The following TAMM41 variants were observed in gnomAD, a reference collection of about 807,000 sequenced individuals.
TAMM41 encodes the protein phosphatidate cytidylyltransferase, mitochondrial.
In TAMM41, 36 loss-of-function variants were observed where a neutral mutation model predicts 44.1. The ratio of observed to expected loss-of-function variants is 0.82; its 90% CI spans 0.63 to 1.08. The LOEUF is 1.08. Among genes scored for constraint, TAMM41 ranks in the 50% least tolerant of loss-of-function variants. The pLI, the probability that TAMM41 is intolerant of heterozygous loss-of-function variation, is 0.00. For synonymous variants in TAMM41, 164 were observed against 153.1 expected, an observed-to-expected ratio of 1.07 and a Z score of -0.53; for missense variants, 417 against 404.3, an observed-to-expected ratio of 1.03 and a Z score of -0.27.
intron 7 of TAMM41, among the ~76,000 whole-genome samples, chr3:11,801,694 C>CAGTG (rs1196403476): frequency 6.6e-6 from 1 of 152,036 alleles, no homozygotes; most frequent in East Asian, 1.9e-4. Flanking sequence ...GCAGCAAAAG[C>CAGTG]AGTGCTAAGA....
chr3:11,753,220 G>A, the TAMM41 span, among the ~76,000 whole-genome samples: 4 of 151,268 alleles, frequency 2.6e-5, no homozygotes, highest in Non-Finnish European at 5.9e-5. Context: ...GAGCCCAGGA[G>A]TTCAAGACCA....
At chr3:11,745,916 C>T in the TAMM41 span, among the ~76,000 whole-genome samples, 112 of 152,232 alleles carry the variant, frequency 7.4e-4, 1 homozygote, top group East Asian at 0.019. Flanking sequence ...ACTGAAATGG[C>T]TAAAAGTAAA....
intron 7 of TAMM41, among the ~76,000 whole-genome samples, chr3:11,795,530 C>T (rs760839249): frequency 6.6e-6 from 1 of 152,202 alleles, no homozygotes; most frequent in East Asian, 1.9e-4. Context: ...TGGTCTCCCT[C>T]GCAATAGGTT....
the TAMM41 span, among the ~76,000 whole-genome samples, chr3:11,765,598 A>G: frequency 6.6e-6 from 1 of 152,182 alleles, no homozygotes; most frequent in African/African-American, 2.4e-5. Flanking sequence ...ATACAGACAT[A>G]TGAGAATTGA....
chr3:11,770,358 CCTCT>C, the TAMM41 span, among the ~76,000 whole-genome samples: 3 of 152,132 alleles, frequency 2.0e-5, no homozygotes, highest in East Asian at 1.9e-4. Flanking sequence ...TCTGGTCCAG[CCTCT>C]CTAACAACTC....
chr3:11,744,120 T>G, the TAMM41 span, among the ~76,000 whole-genome samples: 1 of 152,068 alleles, frequency 6.6e-6, no homozygotes, highest in African/African-American at 2.4e-5. Context: ...CAGGTTGGAG[T>G]GCAATGGTGT....
At position 11,842,117 on chromosome 3, in the gene TAMM41, G is replaced by A. The variant is rs543729401; in HGVS notation, c.318+1912C>T. On this transcript the variant is annotated intron_variant, in intron 2 of 7. Transcript: ENST00000455809. ...CATCACTTGGGAGCTTATAACAAAT[G>A]CAGAATTACGCCTGTAATCCTAGCA... is the stretch of plus-strand genomic sequence containing the variant. Among the ~76,000 whole-genome samples the A allele has an allele frequency of 2.0e-5, 3 of 152,248 alleles. No homozygotes were observed. The South Asian group carries it at 6.2e-4, about 32-fold the overall frequency.
intron 4 of TAMM41, among the ~76,000 whole-genome samples, chr3:11,825,141 ATG>A (rs2078692693): frequency 6.6e-6 from 1 of 152,206 alleles, no homozygotes; most frequent in African/African-American, 2.4e-5. Flanking sequence ...TTTACAAGCT[ATG>A]TGACCCAGGG....
At chr3:11,725,552 C>T in the TAMM41 span, among the ~76,000 whole-genome samples, 1 of 152,084 alleles carries the variant, frequency 6.6e-6, no homozygotes, top group Non-Finnish European at 1.5e-5. Context: ...GATTCTCCCA[C>T]CTCAGCCTCC....
chr3:11,846,134 G>A lies in TAMM41; in HGVS notation c.135+368C>T, dbSNP rs565789319. ...AACCAATTAAATCAGAATCTCCATC[G>A]GCGGAAGCCGAGCATTAGGATTTTC... On this transcript the variant is annotated intron_variant, in intron 1 of 7. Transcript: ENST00000455809. Among the ~76,000 whole-genome samples the A allele has an allele frequency of 1.0e-3, 158 of 152,342 alleles. 1 individual carries two copies. Among genetic ancestry groups the A allele is most frequent in the Admixed American group, 1.6e-3 (25 of 15,304 alleles).
At chr3:11,768,970 T>G in the TAMM41 span, among the ~76,000 whole-genome samples, 1 of 152,180 alleles carries the variant, frequency 6.6e-6, no homozygotes, top group African/African-American at 2.4e-5. Context: ...GAGAAGGACA[T>G]TCTAGCCATC....
intron 4 of TAMM41, among the ~76,000 whole-genome samples, chr3:11,829,388 T>C (rs986612996): frequency 1.3e-5 from 2 of 152,202 alleles, no homozygotes; most frequent in African/African-American, 2.4e-5. Flanking sequence ...ACAAATATGG[T>C]GCAATGTTAA....
intron 5 of TAMM41, among the ~76,000 whole-genome samples, chr3:11,813,932 G>GTA (rs1002746525): frequency 1.0e-4 from 15 of 146,574 alleles, no homozygotes; most frequent in African/African-American, 3.3e-4. Flanking sequence ...ATATATGTGT[G>GTA]TATATATGTG....
the TAMM41 span, among the ~76,000 whole-genome samples, chr3:11,746,172 G>A: frequency 6.6e-5 from 10 of 152,088 alleles, no homozygotes; most frequent in Non-Finnish European, 1.3e-4. Context: ...GTGGTGGTGG[G>A]CACCTGTAGT....
the TAMM41 span, among the ~76,000 whole-genome samples, chr3:11,730,971 C>A: frequency 6.6e-6 from 1 of 152,214 alleles, no homozygotes. Context: ...GAGTTCAAAC[C>A]TGGGTCCTAC....
At chr3:11,761,752 G>C in the TAMM41 span, among the ~76,000 whole-genome samples, 1 of 151,868 alleles carries the variant, frequency 6.6e-6, no homozygotes, top group Non-Finnish European at 1.5e-5. Context: ...TTCAAGACCA[G>C]CCTGACCAAC....
intron 3 of TAMM41, among the ~76,000 whole-genome samples, chr3:11,838,020 C>G (rs1292908836): frequency 3.3e-5 from 5 of 152,204 alleles, no homozygotes; most frequent in African/African-American, 1.2e-4. Flanking sequence ...GATTCTGACC[C>G]TAGCTACCTG....
At chr3:11,807,999 A>G (rs1049566358) in intron 6 of TAMM41, 104 bp from the exon 7 acceptor site, 3 of 1,442,732 alleles carry the variant, frequency 2.1e-6, no homozygotes, top group Admixed American at 2.8e-5. Flanking sequence ...TAGTCAGCCA[A>G]TCAAACCACC....
intron 7 of TAMM41, among the ~76,000 whole-genome samples, chr3:11,793,893 C>T (rs1260212959): frequency 6.6e-6 from 1 of 152,006 alleles, no homozygotes; most frequent in Non-Finnish European, 1.5e-5. Context: ...TGAGGTGTTC[C>T]CTTTGTGGAA....
Sources: allele counts gnomAD v4.1 joint callset (sites outside exome capture counted in the v4.1 genomes callset), GRCh38; gene constraint gnomAD v4.1.1; transcripts MANE v1.5; gene names NCBI Gene and HGNC (gene_info 2026-07-23, HGNC 2026-07-21).